Variants in PCDHGA1 observed in about 807,000 individuals in gnomAD.
PCDHGA1 encodes the protein protocadherin gamma-A1.
In PCDHGA1, 32 loss-of-function variants were observed where a neutral mutation model predicts 58.0. The observed-to-expected ratio is 0.55, with a 90% CI of 0.42 to 0.74. The LOEUF (loss-of-function observed/expected upper bound fraction) is 0.74. PCDHGA1 is among the 30% of genes least tolerant of loss of function. The pLI is 0.00. For missense variants in PCDHGA1, 1,205 were observed against 1,182.3 expected, an observed-to-expected ratio of 1.02 and a Z score of -0.28; for synonymous variants, 498 against 501.1, an observed-to-expected ratio of 0.99 and a Z score of 0.08.
At chr5:141,351,186 G>C in intron 1 of PCDHGA1, 1 of 1,614,046 alleles carries the variant, frequency 6.2e-7, no homozygotes, top group Non-Finnish European at 8.5e-7. Flanking sequence ...GAAGAGACAA[G>C]TAGATATGTG....
intron 1 of PCDHGA1, chr5:141,344,743 A>G: frequency 6.2e-7 from 1 of 1,614,002 alleles, no homozygotes; most frequent in South Asian, 1.1e-5. Flanking sequence ...GATGCAAATG[A>G]CAACCCACCA....
chr5:141,382,072 G>A (rs901840757), intron 1 of PCDHGA1, among the ~76,000 whole-genome samples: 2 of 151,786 alleles, frequency 1.3e-5, no homozygotes, highest in African/African-American at 4.8e-5. Context: ...CAGGTGATCC[G>A]CCCGCCTCGG....
In PCDHGA1 at chr5:141,340,178, C is replaced by T. The variant is rs759564012; in HGVS notation, c.2421+7073C>T. 2.9e-5 allele frequency: 46 copies of T among 1,613,920 alleles called. No homozygotes were observed. The South Asian group carries it at 4.1e-4, about 14-fold the overall frequency. On this transcript the variant is annotated intron_variant, in intron 1 of 3. Transcript: ENST00000517417. ...AGAAAAGTCAGTAGACAATTACTAC[C>T]GACTGGTTACAACCAGAGCCCTTGA...
intron 1 of PCDHGA1, chr5:141,409,600 G>T (rs778681839): frequency 6.8e-6 from 11 of 1,613,882 alleles, no homozygotes; most frequent in Admixed American, 1.7e-5. Flanking sequence ...AGAACAACCC[G>T]CCAGGAGCCT....
chr5:141,384,763 T>C, intron 1 of PCDHGA1: 1 of 1,613,952 alleles, frequency 6.2e-7, no homozygotes. Context: ...GGTTGGGCTG[T>C]ACACGGGCGA....
intron 1 of PCDHGA1, chr5:141,395,296 ATG>A: frequency 6.6e-7 from 1 of 1,524,308 alleles, no homozygotes. Flanking sequence ...GGCATAAATT[ATG>A]TTTTGAAAAA....
chr5:141,419,037 A>G, intron 1 of PCDHGA1: 1 of 1,613,972 alleles, frequency 6.2e-7, no homozygotes, highest in Middle Eastern at 1.6e-4. Flanking sequence ...GTTCCATTTA[A>G]GATTCATTCT....
In PCDHGA1 at chr5:141,393,593, G is replaced by A. The variant is rs2092803808; in HGVS notation, c.2421+60488G>A. ...TTGAGAACATGCCCCCAGGCACGCG[G>A]CTGCTTACTGTAACAGCCAGCGACC... On this transcript the variant is annotated intron_variant, in intron 1 of 3. Transcript: ENST00000517417. The A allele has an allele frequency of 5.0e-6, 8 of 1,613,906 alleles. No individual in the cohort carries two copies. The East Asian group carries it at 1.8e-4, about 36-fold the overall frequency.
intron 3 of PCDHGA1, among the ~76,000 whole-genome samples, chr5:141,510,354 G>A (rs1311482557): frequency 2.1e-5 from 3 of 146,300 alleles, no homozygotes; most frequent in Non-Finnish European, 4.5e-5. Flanking sequence ...ACTTACTAAC[G>A]GAACTACCGA....
intron 1 of PCDHGA1, chr5:141,350,270 G>T: frequency 6.6e-7 from 1 of 1,512,730 alleles, no homozygotes; most frequent in Non-Finnish European, 8.8e-7. Flanking sequence ...AATGCAGAGA[G>T]CCAGAGAAGC....
At chr5:141,402,962 C>A (rs1482027682) in intron 1 of PCDHGA1, 2 of 1,604,618 alleles carry the variant, frequency 1.2e-6, no homozygotes, top group African/African-American at 2.7e-5. Flanking sequence ...AATGGCAGCT[C>A]CAACCAAATG....
At position 141,477,115 on chromosome 5, in the gene PCDHGA1, A is replaced by T. The variant is rs1218111107; in HGVS notation, c.2422-17692A>T. On this transcript the variant is annotated intron_variant, in intron 1 of 3. Coordinates refer to ENST00000517417, the MANE Select transcript of PCDHGA1 (RefSeq NM_018912.3). The surrounding 1 kb of genome is among the most constrained non-coding windows in gnomAD (Gnocchi z 4.9). Reference sequence around the variant, plus strand: ...AAGACAAGGGCGCCAATCCCGAAGGAGCACATTGCAAAGTGTTGGTGGAGG... The same window carrying T: ...AAGACAAGGGCGCCAATCCCGAAGGTGCACATTGCAAAGTGTTGGTGGAGG... The T allele has an allele frequency of 6.2e-7, 1 of 1,614,230 alleles. No individual in the cohort carries two copies. Among genetic ancestry groups the T allele is most frequent in the Non-Finnish European group, 8.5e-7 (1 of 1,180,038 alleles).
chr5:141,431,237 C>A lies in PCDHGA1; in HGVS notation c.2422-63570C>A. 1 of 1,614,170 alleles carries A rather than the reference C, an allele frequency of 6.2e-7. No homozygotes were observed. Among genetic ancestry groups the A allele is most frequent in the Non-Finnish European group, 8.5e-7 (1 of 1,180,044 alleles). The stretch of plus-strand genomic sequence containing the variant: ...GTTCCCTCTACCCCACGCCTGGGAT[C>A]CGGATATCGGGAAGAACTCTCTGCA... On this transcript the variant is annotated intron_variant, in intron 1 of 3. Transcript: ENST00000517417. The surrounding 1 kb of genome is among the most constrained non-coding windows in gnomAD (Gnocchi z 4.8).
rs923900490 is a variant in PCDHGA1, at chr5:141,383,761, C to T, written c.2421+50656C>T. 6 of 1,613,834 alleles carry T rather than the reference C, an allele frequency of 3.7e-6. No individual in the cohort carries two copies. The Admixed American group carries it at 1.0e-4, about 27-fold the overall frequency. Reference sequence around the variant, plus strand: ...TTCTTTTCGGAAAATAACTCCTAAACTTCCAAAGATGTTTCATCTGAACTC... The same window carrying T: ...TTCTTTTCGGAAAATAACTCCTAAATTTCCAAAGATGTTTCATCTGAACTC... On this transcript the variant is annotated intron_variant, in intron 1 of 3. Coordinates refer to ENST00000517417, the MANE Select transcript of PCDHGA1 (RefSeq NM_018912.3).
intron 1 of PCDHGA1, chr5:141,400,310 G>C: frequency 6.2e-7 from 1 of 1,614,084 alleles, no homozygotes; most frequent in African/African-American, 1.3e-5. Context: ...CCTGGTCTCT[G>C]TGTCAAGTCT....
chr5:141,413,530 A>G (rs879218343), intron 1 of PCDHGA1: 1 of 1,613,954 alleles, frequency 6.2e-7, no homozygotes, highest in Non-Finnish European at 8.5e-7. Context: ...AGACAGGGTG[A>G]AACTTTTTGG....
chr5:141,339,466 C>T (rs1247701313), intron 1 of PCDHGA1: 5 of 1,614,200 alleles, frequency 3.1e-6, no homozygotes, highest in Non-Finnish European at 4.2e-6. Context: ...TAGGTGAGAA[C>T]GCCCTTCAGA....
At chr5:141,341,713 C>T (rs901955740) in intron 1 of PCDHGA1, 6 of 494,990 alleles carry the variant, frequency 1.2e-5, no homozygotes, top group African/African-American at 1.2e-4. Flanking sequence ...TCTCATCCAC[C>T]CAGATCAACA....
chr5:141,409,125 AT>A, intron 1 of PCDHGA1: 1 of 1,613,982 alleles, frequency 6.2e-7, no homozygotes, highest in Non-Finnish European at 8.5e-7. Context: ...CAGTCATTTG[AT>A]TTTGAAGATG....
Sources: allele counts gnomAD v4.1 joint callset (sites outside exome capture counted in the v4.1 genomes callset), GRCh38; gene constraint gnomAD v4.1.1; non-coding constraint Gnocchi (gnomAD v3.1); transcripts MANE v1.5; gene names NCBI Gene and HGNC (gene_info 2026-07-23, HGNC 2026-07-21).